Variants in C4orf50 observed in about 807,000 individuals in gnomAD.
C4orf50 encodes the protein chromosome 4 open reading frame 50, also known as uncharacterized protein C4orf50.
C4orf50 carries 80 observed loss-of-function variants against 77.2 expected under a neutral mutation model. The observed-to-expected ratio is 1.04, with a 90% confidence interval of 0.87 to 1.25. C4orf50 has a LOEUF of 1.25. Ranked by LOEUF, C4orf50 falls within the 50% of genes most tolerant of loss-of-function variation. C4orf50 has a pLI of 0.00. For missense variants in C4orf50, 1,257 were observed against 1,152.9 expected, an observed-to-expected ratio of 1.09 and a Z score of -1.31; for synonymous variants, 532 against 465.3, an observed-to-expected ratio of 1.14 and a Z score of -1.84.
chr4:5,997,393 C>G (rs1266518688), intron 25 of C4orf50, among the ~76,000 whole-genome samples: 1 of 152,182 alleles, frequency 6.6e-6, no homozygotes, highest in Admixed American at 6.5e-5. Context: ...TAGAAGACAA[C>G]GCTGTACTGA....
rs565317053 is a variant in C4orf50 at position 5,998,781 on chromosome 4, C to T, written c.964-4305G>A. On this transcript the variant is annotated intron_variant, in intron 25 of 33. Transcript: ENST00000531445. ...AAGCTTTTGGAGGGCAAGGTTCATG[C>T]CTGGCTCACTGCACCTGGGACATGG... Among the ~76,000 whole-genome samples, 4 of 152,368 alleles carry T rather than the reference C, an allele frequency of 2.6e-5. No individual in the cohort carries two copies. In the South Asian group the frequency reaches 6.2e-4, roughly 24 times the overall value.
chr4:5,957,077 G>A (rs1027896899), downstream of C4orf50: 3 of 152,332 alleles, frequency 2.0e-5, no homozygotes, highest in Non-Finnish European at 2.9e-5. Flanking sequence ...GCTAGACCCA[G>A]ACGGCAATTC....
intron 7 of C4orf50, among the ~76,000 whole-genome samples, chr4:5,912,278 TG>T (rs2108731036): frequency 6.6e-6 from 1 of 151,938 alleles, no homozygotes; most frequent in African/African-American, 2.4e-5. Flanking sequence ...TGTGTGTGTG[TG>T]TGTGTGTGTG....
chr4:5,963,919 T>A (rs1719405177), intron 33 of C4orf50, among the ~76,000 whole-genome samples: 1 of 152,100 alleles, frequency 6.6e-6, no homozygotes, highest in Non-Finnish European at 1.5e-5. Context: ...ACCCCAAAGC[T>A]CATAAGTAAG....
intron 33 of C4orf50, among the ~76,000 whole-genome samples, chr4:5,962,219 A>T (rs1719312909): frequency 6.6e-6 from 1 of 152,230 alleles, no homozygotes; most frequent in Non-Finnish European, 1.5e-5. Context: ...TGTGCAAAAC[A>T]TGGGAAAAAC....
chr4:5,994,833 C>T (rs942589407), intron 25 of C4orf50, among the ~76,000 whole-genome samples: 6 of 152,202 alleles, frequency 3.9e-5, no homozygotes, highest in African/African-American at 9.6e-5. Context: ...CTGGGCCGTA[C>T]AGCAGGAGGT....
chr4:6,003,979 TA>T (rs1722015713), intron 25 of C4orf50, among the ~76,000 whole-genome samples: 1 of 148,418 alleles, frequency 6.7e-6, no homozygotes, highest in Non-Finnish European at 1.5e-5. Flanking sequence ...ATGGCGATGA[TA>T]GTGATGATGG....
At chr4:5,917,559 A>G (rs960984125) in intron 7 of C4orf50, among the ~76,000 whole-genome samples, 1 of 151,758 alleles carries the variant, frequency 6.6e-6, no homozygotes, top group Non-Finnish European at 1.5e-5. Flanking sequence ...GACTACAGGC[A>G]CGCACCACCA....
At chr4:6,005,047 C>A (rs189202776) in intron 25 of C4orf50, among the ~76,000 whole-genome samples, 125 of 152,274 alleles carry the variant, frequency 8.2e-4, no homozygotes, top group Non-Finnish European at 1.4e-3. Context: ...AATTTAGGAA[C>A]CTGCCTGAAA....
intron 25 of C4orf50, 82 bp from the exon 4 acceptor site, chr4:5,994,558 C>T: frequency 5.0e-6 from 2 of 398,546 alleles, no homozygotes; most frequent in East Asian, 3.6e-5. Flanking sequence ...GGGGCCCCTC[C>T]CCAGAAGGGA....
intron 7 of C4orf50, chr4:5,903,549 C>G (rs962956424): frequency 1.3e-5 from 2 of 152,134 alleles, no homozygotes; most frequent in Non-Finnish European, 2.9e-5. Context: ...CATGAAAGGA[C>G]AAAGACTGTA....
chr4:5,965,777 C>T (rs926660102), intron 32 of C4orf50, among the ~76,000 whole-genome samples: 1 of 152,208 alleles, frequency 6.6e-6, no homozygotes, highest in African/African-American at 2.4e-5. Context: ...TACTGACATC[C>T]TGCTATGTGC....
At chr4:5,988,213 C>G in intron 28 of C4orf50, 134 bp downstream of exon 6, 1 of 1,172,666 alleles carries the variant, frequency 8.5e-7, no homozygotes, top group Non-Finnish European at 1.2e-6. Context: ...TTGTACCAAC[C>G]TCCTCTCATC....
intron 25 of C4orf50, among the ~76,000 whole-genome samples, chr4:6,004,060 A>G (rs1439515550): frequency 2.0e-5 from 2 of 97,942 alleles, no homozygotes; most frequent in Non-Finnish European, 2.0e-5. Context: ...GATGATGGTG[A>G]TGATGGTGAT....
At chr4:5,929,346 G>A (rs775046257) in intron 7 of C4orf50, among the ~76,000 whole-genome samples, 15 of 152,248 alleles carry the variant, frequency 9.9e-5, no homozygotes, top group East Asian at 1.9e-4. Context: ...GTTTGAAGGC[G>A]GGAAGTTATG....
intron 7 of C4orf50, among the ~76,000 whole-genome samples, chr4:5,907,211 C>G (rs960695477): frequency 6.6e-6 from 1 of 152,192 alleles, no homozygotes; most frequent in African/African-American, 2.4e-5. Flanking sequence ...CATTCTTTCC[C>G]TACATTATAC....
chr4:5,976,747 C>A (rs775061149), intron 29 of C4orf50, among the ~76,000 whole-genome samples: 2 of 152,218 alleles, frequency 1.3e-5, no homozygotes, highest in Non-Finnish European at 2.9e-5. Context: ...GTGAACCTAT[C>A]CATGTAAAGT....
At chr4:5,951,023 C>T (rs1371701996) in intron 7 of C4orf50, among the ~76,000 whole-genome samples, 1 of 152,220 alleles carries the variant, frequency 6.6e-6, no homozygotes, top group African/African-American at 2.4e-5. Context: ...CTCATGGCCA[C>T]AATTTCATCC....
chr4:6,015,567 A>C lies in C4orf50; in HGVS notation c.287+2578T>G, dbSNP rs2108815580. On this transcript the variant is annotated intron_variant, in intron 23 of 33. Transcript: ENST00000531445. This position sits in a 1 kb window ranked among gnomAD's most constrained non-coding sequence, Gnocchi z 4.4. ...GCCACTGTCTATGTGGAGTTTGCCC[A>C]TTCTCCCCATGTCTGTGTGGGCTTT... is the stretch of plus-strand genomic sequence containing the variant. Among the ~76,000 whole-genome samples, 1 of 151,860 alleles carries C rather than the reference A, an allele frequency of 6.6e-6. No individual in the cohort carries two copies. Among genetic ancestry groups the C allele is most frequent in the South Asian group, 2.1e-4 (1 of 4,794 alleles).
Sources: allele counts gnomAD v4.1 joint callset (sites outside exome capture counted in the v4.1 genomes callset), GRCh38; gene constraint gnomAD v4.1.1; non-coding constraint Gnocchi (gnomAD v3.1); transcripts MANE v1.5; gene names NCBI Gene and HGNC (gene_info 2026-07-23, HGNC 2026-07-21).